The following NTRK3 variants were observed in gnomAD, a reference collection of about 807,000 sequenced individuals.
The protein encoded by NTRK3 is NT-3 growth factor receptor.
NTRK3 carries 24 observed loss-of-function variants against 91.7 expected under a neutral mutation model. The observed-to-expected ratio is 0.26, with a 90% CI of 0.19 to 0.37. The LOEUF is 0.37. NTRK3 is among the 10% of genes least tolerant of loss of function. NTRK3 has a pLI of 1.00. For synonymous variants in NTRK3, 483 were observed against 404.0 expected (o/e 1.20, Z -2.34); for missense variants, 880 against 1,068.9 (o/e 0.82, Z 2.46).
intron 14 of NTRK3, among the ~76,000 whole-genome samples, chr15:88,012,615 T>C (rs2076958391): frequency 6.6e-6 from 1 of 152,248 alleles, no homozygotes; most frequent in Non-Finnish European, 1.5e-5. Context: ...TTTGTGCTCC[T>C]AACACCCAAT....
At chr15:88,017,485 T>G (rs1468214427) in intron 14 of NTRK3, among the ~76,000 whole-genome samples, 6 of 152,362 alleles carry the variant, frequency 3.9e-5, no homozygotes, top group African/African-American at 1.4e-4. Flanking sequence ...CTTCTGCTCT[T>G]AACTTCAGAG....
intron 14 of NTRK3, among the ~76,000 whole-genome samples, chr15:87,970,235 C>A (rs752346546): frequency 6.6e-6 from 1 of 152,158 alleles, no homozygotes; most frequent in Non-Finnish European, 1.5e-5. Flanking sequence ...CCAGCCTGGG[C>A]GGATGGCCAG....
chr15:88,197,977 C>T (rs889016177), intron 3 of NTRK3, among the ~76,000 whole-genome samples: 1 of 152,176 alleles, frequency 6.6e-6, no homozygotes, highest in African/African-American at 2.4e-5. Context: ...GTTTCCTTAT[C>T]TGTAAAATAG....
At chr15:88,024,641 A>G (rs1463487855) in intron 14 of NTRK3, among the ~76,000 whole-genome samples, 1 of 152,230 alleles carries the variant, frequency 6.6e-6, no homozygotes, top group Non-Finnish European at 1.5e-5. Context: ...GAGCAGCTGA[A>G]TGCACATCTA....
intron 3 of NTRK3, among the ~76,000 whole-genome samples, chr15:88,223,286 T>C (rs1369933885): frequency 6.6e-6 from 1 of 152,202 alleles, no homozygotes; most frequent in East Asian, 1.9e-4. Flanking sequence ...CGCAGTGGCC[T>C]GTGTCACCAG....
At chr15:88,034,092 A>G (rs1335339106) in intron 13 of NTRK3, among the ~76,000 whole-genome samples, 1 of 152,148 alleles carries the variant, frequency 6.6e-6, no homozygotes, top group African/African-American at 2.4e-5. Flanking sequence ...CCAGACTCCC[A>G]GGGGAGTATC....
chr15:87,931,940 T>C lies in NTRK3; in HGVS notation c.1889+1072A>G, dbSNP rs1409349424. Among the ~76,000 whole-genome samples the C allele has an allele frequency of 2.0e-5, 3 of 152,216 alleles. No homozygotes were observed. In the East Asian group the frequency reaches 5.8e-4, roughly 29 times the overall value. ...GAGTTCAATGAGATTCAAATTGTGGTGGTCGCAGAGGCCACACCCTAAGTA... is the reference window on the plus strand; with the variant it reads ...GAGTTCAATGAGATTCAAATTGTGGCGGTCGCAGAGGCCACACCCTAAGTA... On this transcript the variant is annotated intron_variant, in intron 16 of 18. Transcript: ENST00000394480.
chr15:87,872,170 G>A (rs1401517771), exon 19 of NTRK3: 2 of 219,916 alleles, frequency 9.1e-6, no homozygotes, highest in Admixed American at 1.2e-4. Context: ...ACAGCTCTCT[G>A]GACTGCTGGC....
chr15:88,098,069 C>T (rs994995399), intron 13 of NTRK3, among the ~76,000 whole-genome samples: 2 of 152,178 alleles, frequency 1.3e-5, no homozygotes, highest in African/African-American at 4.8e-5. Flanking sequence ...AAAAATCTAT[C>T]TTTTCCTCTG....
chr15:87,890,137 C>G (rs2065779793), intron 17 of NTRK3, among the ~76,000 whole-genome samples: 1 of 151,976 alleles, frequency 6.6e-6, no homozygotes, highest in African/African-American at 2.4e-5. Flanking sequence ...ATCCAGAGCC[C>G]TGATTAGATC....
chr15:88,235,709 G>A lies in NTRK3; in HGVS notation c.248+20197C>T, dbSNP rs1043481515. ...GAGGACCCTAGGGGGATGTCCTTGG[G>A]CTGAGGACCCCAGAAGGTGCCCTTG... On this transcript the variant is annotated intron_variant, in intron 3 of 18. Transcript: ENST00000394480. This position sits in a 1 kb window ranked among gnomAD's most constrained non-coding sequence, Gnocchi z 5.2. Among the ~76,000 whole-genome samples the A allele has an allele frequency of 6.6e-6, 1 of 152,218 alleles. No individual in the cohort carries two copies. Among genetic ancestry groups the A allele is most frequent in the African/African-American group, 2.4e-5 (1 of 41,452 alleles).
chr15:88,184,813 G>C (rs2046822267), intron 3 of NTRK3, among the ~76,000 whole-genome samples: 1 of 152,218 alleles, frequency 6.6e-6, no homozygotes, highest in East Asian at 1.9e-4. Flanking sequence ...CCAGGGTCTA[G>C]ACTCTGGAAG....
At chr15:88,236,597 A>C (rs2141826295) in intron 3 of NTRK3, among the ~76,000 whole-genome samples, 1 of 151,096 alleles carries the variant, frequency 6.6e-6, no homozygotes. Context: ...ATGAAGTTGC[A>C]AAGACATACA....
chr15:87,877,010 C>T (rs941741096), exon 19 of NTRK3: 13 of 1,613,776 alleles, frequency 8.1e-6, no homozygotes, highest in Non-Finnish European at 1.1e-5. Flanking sequence ...CCTTGATGTT[C>T]AACCGCTGCT....
In NTRK3 at chr15:87,929,531, A is replaced by T; in HGVS notation, c.1890-97T>A. 4 of 1,435,976 alleles carry T rather than the reference A, an allele frequency of 2.8e-6. No homozygotes were observed. The South Asian group carries it at 5.4e-5, about 20-fold the overall frequency. The allele number at this position is 1,435,976 out of a possible 1,614,324, so 89.0% of individuals were successfully genotyped here. A position where few individuals can be genotyped will look rare whatever the true frequency, so the allele number is the denominator to read the frequency against. ...CCCTGCCCTCTGGAATGCCCCACAGAAATAAATAAAATTTCCCTTTCCATC... is the reference window on the plus strand; with the variant it reads ...CCCTGCCCTCTGGAATGCCCCACAGTAATAAATAAAATTTCCCTTTCCATC... On this transcript the variant is annotated intron_variant, in intron 16 of 18. Coordinates refer to ENST00000394480, the Ensembl canonical transcript of NTRK3.
intron 13 of NTRK3, among the ~76,000 whole-genome samples, chr15:88,039,373 C>T (rs186920858): frequency 5.9e-5 from 9 of 152,326 alleles, no homozygotes; most frequent in Admixed American, 5.9e-4. Flanking sequence ...ATATTATTCT[C>T]TTCTAAAATT....
intron 6 of NTRK3, among the ~76,000 whole-genome samples, chr15:88,144,770 T>G (rs183930115): frequency 3.3e-4 from 50 of 152,272 alleles, no homozygotes; most frequent in Non-Finnish European, 5.3e-4. Flanking sequence ...ACACATTAGA[T>G]GCTCAAGATG....
intron 3 of NTRK3, among the ~76,000 whole-genome samples, chr15:88,218,983 C>G (rs1015827915): frequency 5.3e-5 from 8 of 152,254 alleles, no homozygotes; most frequent in African/African-American, 1.9e-4. Flanking sequence ...CACGTGGTCT[C>G]TCACAACACA....
In NTRK3 at chr15:88,240,949, C is replaced by A. The variant is rs1222585376; in HGVS notation, c.248+14957G>T. On this transcript the variant is annotated intron_variant, in intron 3 of 18. Coordinates refer to ENST00000394480, the Ensembl canonical transcript of NTRK3. The surrounding 1 kb of genome is among the most constrained non-coding windows in gnomAD (Gnocchi z 4.9). ...TGCATGGAGGCATGTGTGCCCTCAG[C>A]AAGCTGGGAGGGTTGCTGTGGGCCT... is the stretch of plus-strand genomic sequence containing the variant. 6.6e-6 allele frequency among the ~76,000 whole-genome samples: 1 copy of A among 152,206 alleles called. No homozygotes were observed. The highest frequency in any genetic ancestry group is 1.5e-5 in the Non-Finnish European group (1 of 68,040).
Sources: allele counts gnomAD v4.1 joint callset (sites outside exome capture counted in the v4.1 genomes callset), GRCh38; gene constraint gnomAD v4.1.1; non-coding constraint Gnocchi (gnomAD v3.1); transcripts MANE v1.5; gene names NCBI Gene and HGNC (gene_info 2026-07-23, HGNC 2026-07-21).